KANK1: variants seen among roughly 807,000 people sequenced by gnomAD.
KANK1 encodes the protein KN motif and ankyrin repeat domains 1.
Under a neutral mutation model 106.2 loss-of-function variants are expected in KANK1, and 109 were observed. That is an observed-to-expected ratio of 1.03 (90% CI 0.88 to 1.20). KANK1 has a LOEUF of 1.20. Ranked by LOEUF, KANK1 falls within the 50% of genes most tolerant of loss-of-function variation. The pLI, the probability that KANK1 is intolerant of heterozygous loss-of-function variation, is 0.00. For synonymous variants in KANK1, 873 were observed against 652.2 expected, an observed-to-expected ratio of 1.34 and a Z score of -5.16; for missense variants, 2,399 against 1,710.7, an observed-to-expected ratio of 1.40 and a Z score of -7.10.
chr9:739,695 G>C (rs1350100125), intron 8 of KANK1, among the ~76,000 whole-genome samples: 12 of 152,208 alleles, frequency 7.9e-5, no homozygotes, highest in African/African-American at 2.2e-4. Flanking sequence ...ACCCTTAGAA[G>C]TTGATAAAAC....
chr9:625,696 C>G (rs1000445802), intron 1 of KANK1, among the ~76,000 whole-genome samples: 1 of 152,142 alleles, frequency 6.6e-6, no homozygotes, highest in African/African-American at 2.4e-5. Context: ...TTCTGAAAGA[C>G]TTAATCAAAC....
At chr9:585,201 C>T (rs561665869) in intron 1 of KANK1, among the ~76,000 whole-genome samples, 1 of 152,288 alleles carries the variant, frequency 6.6e-6, no homozygotes, top group East Asian at 1.9e-4. Context: ...TTCATTTACC[C>T]CTGGAGCTTC....
intron 1 of KANK1, among the ~76,000 whole-genome samples, chr9:593,851 G>A (rs1825585100): frequency 6.6e-6 from 1 of 151,918 alleles, no homozygotes; most frequent in Non-Finnish European, 1.5e-5. Context: ...TCTAGGGAAT[G>A]GGATGGCAGG....
chr9:551,915 G>C (rs2061307759), intron 1 of KANK1, among the ~76,000 whole-genome samples: 3 of 151,990 alleles, frequency 2.0e-5, no homozygotes, highest in Non-Finnish European at 4.4e-5. Flanking sequence ...AATTAGCTGG[G>C]TGTGTTGATG....
intron 1 of KANK1, among the ~76,000 whole-genome samples, chr9:552,538 A>G (rs1179233376): frequency 1.3e-5 from 2 of 152,204 alleles, no homozygotes; most frequent in African/African-American, 4.8e-5. Context: ...ATGTTTTAAT[A>G]TGACGTTATT....
intron 2 of KANK1, chr9:677,717 A>T (rs1425448456): frequency 6.6e-6 from 1 of 152,226 alleles, no homozygotes; most frequent in Non-Finnish European, 1.5e-5. Flanking sequence ...AATGAGTAAG[A>T]ATAGTAATTG....
At chr9:646,646 G>C (rs1839730772) in intron 1 of KANK1, among the ~76,000 whole-genome samples, 1 of 150,120 alleles carries the variant, frequency 6.7e-6, no homozygotes, top group Non-Finnish European at 1.5e-5. Flanking sequence ...CTAGAAACTG[G>C]ACAGTTTATA....
At chr9:620,619 C>T (rs1176250788) in intron 1 of KANK1, among the ~76,000 whole-genome samples, 1 of 152,074 alleles carries the variant, frequency 6.6e-6, no homozygotes, top group Non-Finnish European at 1.5e-5. Flanking sequence ...GTTGGCCAGG[C>T]TGGTCTCAAA....
chr9:657,446 C>T (rs1161598052), intron 1 of KANK1, among the ~76,000 whole-genome samples: 2 of 152,106 alleles, frequency 1.3e-5, no homozygotes, highest in Non-Finnish European at 2.9e-5. Context: ...TGAGGAACCT[C>T]TATACTGTTT....
At chr9:685,907 C>G (rs1750107574) in intron 2 of KANK1, among the ~76,000 whole-genome samples, 1 of 152,178 alleles carries the variant, frequency 6.6e-6, no homozygotes, top group Admixed American at 6.5e-5. Context: ...GCCCAATTTT[C>G]CCATCCCTGC....
rs1274982044 is a variant in KANK1 at position 738,348 on chromosome 9, C to T, written c.3397C>T (p.Pro1133Ser). The T allele has an allele frequency of 1.2e-6, 2 of 1,614,138 alleles. No homozygotes were observed. The highest frequency in any genetic ancestry group is 1.1e-5 in the South Asian group (1 of 91,058). The part of the protein sequence containing the change: ...FRVSSQKSAI[P>S]AMVGDYIAAF... Reference sequence around the variant, plus strand: ...CGTGTCCAGTCAGAAGTCAGCCATTCCAGCCATGGTGGGGGACTACATAGC... The same window carrying T: ...CGTGTCCAGTCAGAAGTCAGCCATTTCAGCCATGGTGGGGGACTACATAGC... Residue 1133 changes from proline (P) to serine (S), a missense_variant, in exon 8 of 12, where the codon CCA (proline) becomes TCA (serine). Transcript: ENST00000382297.
At chr9:544,345 C>A (rs1213199382) in intron 1 of KANK1, among the ~76,000 whole-genome samples, 2 of 152,118 alleles carry the variant, frequency 1.3e-5, no homozygotes, top group African/African-American at 2.4e-5. Context: ...TATGTCATTT[C>A]CCCACTTTAA....
intron 1 of KANK1, among the ~76,000 whole-genome samples, chr9:629,077 CA>C (rs34834497): frequency 0.49 from 64,862 of 132,618 alleles, 14,640 homozygotes; most frequent in South Asian, 0.67. Flanking sequence ...CAACTGTTTC[CA>C]AAAAAAAAAA....
upstream of KANK1, among the ~76,000 whole-genome samples, chr9:502,519 T>G (rs1454505483): frequency 1.0e-4 from 15 of 147,646 alleles, no homozygotes; most frequent in African/African-American, 2.6e-5. Flanking sequence ...ATTCTGGGGA[T>G]GGAGAGCACT....
At chr9:743,052 G>A (rs532232644) in intron 10 of KANK1, among the ~76,000 whole-genome samples, 1 of 152,276 alleles carries the variant, frequency 6.6e-6, no homozygotes, top group Admixed American at 6.5e-5. Context: ...ACTTTTGCGT[G>A]TCTCTAGGCC....
chr9:638,918 T>C (rs965982637), intron 1 of KANK1, among the ~76,000 whole-genome samples: 6 of 152,222 alleles, frequency 3.9e-5, no homozygotes, highest in African/African-American at 1.4e-4. Context: ...TCATTCCTTT[T>C]TCCTATGGCT....
intron 1 of KANK1, among the ~76,000 whole-genome samples, chr9:587,049 T>C (rs1359029348): frequency 1.3e-5 from 2 of 152,220 alleles, no homozygotes; most frequent in African/African-American, 4.8e-5. Context: ...ACTTCTGAAC[T>C]AGTGAATTAC....
chr9:504,672 C>T (rs1217327980), upstream of KANK1: 1 of 151,042 alleles, frequency 6.6e-6, no homozygotes, highest in Non-Finnish European at 1.5e-5. Flanking sequence ...GCCGACTCCG[C>T]CCCCTGCGCC....
chr9:696,597 A>AT (rs920566880), intron 2 of KANK1, among the ~76,000 whole-genome samples: 9 of 152,020 alleles, frequency 5.9e-5, no homozygotes, highest in African/African-American at 2.2e-4. Context: ...AAGCTTGAAA[A>AT]TTTCTCAGTA....
Sources: gnomAD v4.1 joint callset for allele counts (sites outside exome capture counted in the v4.1 genomes callset) on GRCh38, gnomAD v4.1.1 for gene constraint, MANE v1.5 for transcripts, NCBI Gene and HGNC (gene_info 2026-07-23, HGNC 2026-07-21) for gene names.